The following EIF4G3 variants were observed in gnomAD, a reference collection of about 807,000 sequenced individuals.
EIF4G3 encodes eIF-4-gamma 3.
Under a neutral mutation model 186.4 loss-of-function variants are expected in EIF4G3, and 34 were observed. The ratio of observed to expected loss-of-function variants is 0.18; its 90% CI spans 0.14 to 0.24. The LOEUF (loss-of-function observed/expected upper bound fraction) is 0.24, where lower values mean the gene tolerates loss of function less well. Among genes scored for constraint, EIF4G3 ranks in the 10% least tolerant of loss-of-function variants. The pLI is 1.00. For synonymous variants in EIF4G3, 673 were observed against 679.5 expected (o/e 0.99, Z 0.15); for missense variants, 1,536 against 1,948.5 (o/e 0.79, Z 3.99).
At chr1:21,098,474 G>A (rs1170115297) in intron 2 of EIF4G3, among the ~76,000 whole-genome samples, 3 of 148,512 alleles carry the variant, frequency 2.0e-5, no homozygotes, top group Non-Finnish European at 4.4e-5. Flanking sequence ...AGGAGGTGGA[G>A]ACTGCAGTGA....
chr1:21,131,409 T>TA (rs1045311400), intron 2 of EIF4G3, among the ~76,000 whole-genome samples: 2 of 69,216 alleles, frequency 2.9e-5, no homozygotes, highest in African/African-American at 5.4e-5. Flanking sequence ...AAAAAGAGAC[T>TA]AAAAAAAAGA....
At chr1:20,869,306 ATT>A (rs954573350) in intron 20 of EIF4G3, among the ~76,000 whole-genome samples, 60 of 97,364 alleles carry the variant, frequency 6.2e-4, no homozygotes, top group Admixed American at 1.1e-3. Flanking sequence ...TTACTTTAAA[ATT>A]TTTTTTTTTT....
At position 21,040,376 on chromosome 1, in the gene EIF4G3, A is replaced by T. The variant is rs143000407; in HGVS notation, c.-67+10490T>A. ...TGTGCCCCTTCCCCCATACCTTACC[A>T]TAGGCATCTCTTCAACTGTATCCTT... is the stretch of plus-strand genomic sequence containing the variant. On this transcript the variant is annotated intron_variant, in intron 4 of 36. Transcript: ENST00000602326. Among the ~76,000 whole-genome samples the T allele has an allele frequency of 1.2e-4, 18 of 152,328 alleles. No individual in the cohort carries two copies. The East Asian group carries it at 3.3e-3, about 28-fold the overall frequency.
At chr1:21,058,697 T>C (rs893440748) in intron 3 of EIF4G3, among the ~76,000 whole-genome samples, 1 of 147,660 alleles carries the variant, frequency 6.8e-6, no homozygotes, top group Non-Finnish European at 1.5e-5. Context: ...CAGTAATTTT[T>C]CTTCTTCTTC....
intron 26 of EIF4G3, 135 bp downstream of exon 26, chr1:20,854,843 G>T: frequency 1.8e-6 from 1 of 556,444 alleles, no homozygotes. Flanking sequence ...AAAGGAAAGG[G>T]CTACCAATAA....
intron 4 of EIF4G3, among the ~76,000 whole-genome samples, chr1:21,043,039 G>A (rs993386901): frequency 6.6e-6 from 1 of 152,204 alleles, no homozygotes; most frequent in Non-Finnish European, 1.5e-5. Flanking sequence ...AATAAATGAA[G>A]TGTGATATTC....
chr1:21,102,566 T>C (rs2096547150), intron 2 of EIF4G3, among the ~76,000 whole-genome samples: 1 of 152,232 alleles, frequency 6.6e-6, no homozygotes, highest in Non-Finnish European at 1.5e-5. Flanking sequence ...AAAAATTTGA[T>C]GGTATTATTT....
chr1:21,024,898 AT>A (rs1362126570), intron 4 of EIF4G3, among the ~76,000 whole-genome samples: 2 of 118,962 alleles, frequency 1.7e-5, no homozygotes, highest in African/African-American at 6.0e-5. Flanking sequence ...AAAAAAATAA[AT>A]TTAAAAAAAA....
chr1:21,117,608 G>A (rs939297305), intron 2 of EIF4G3, among the ~76,000 whole-genome samples: 1 of 151,550 alleles, frequency 6.6e-6, no homozygotes, highest in Admixed American at 6.6e-5. Flanking sequence ...ACTGAGGGAG[G>A]TAAGAGAGAA....
intron 4 of EIF4G3, among the ~76,000 whole-genome samples, chr1:21,018,921 CTCTTT>C (rs560497183): frequency 5.9e-5 from 8 of 136,166 alleles, no homozygotes; most frequent in Non-Finnish European, 1.4e-4. Context: ...ACTAATAAAG[CTCTTT>C]TTTTTTTTTT....
rs909998198 is a variant in EIF4G3 at position 20,871,089 on chromosome 1, C to G, written c.2623-5827G>C. 2.6e-5 allele frequency among the ~76,000 whole-genome samples: 4 copies of G among 152,070 alleles called. No individual in the cohort carries two copies. In the South Asian group the frequency reaches 8.3e-4, roughly 32 times the overall value. On this transcript the variant is annotated intron_variant, in intron 20 of 36. Transcript: ENST00000602326. The stretch of plus-strand genomic sequence containing the variant: ...CTTAAAGGCCTACCCTTTAAGACTT[C>G]AAGAAAAAATTAACAAACAAAATAA...
Position 20,991,600 on chromosome 1 carries a change from T to C in EIF4G3, c.177+6001A>G, listed in dbSNP as rs114817623. ...AAAAAAAAGAAAAAATTCAGTTCTT[T>C]AGCTGCATTAGCCACATTTAAAGTG... On this transcript the variant is annotated intron_variant, in intron 7 of 36. Transcript: ENST00000602326. 1.9e-3 allele frequency among the ~76,000 whole-genome samples: 283 copies of C among 152,184 alleles called. 2 individuals are homozygous for C. The highest frequency in any genetic ancestry group is 6.5e-3 in the African/African-American group (269 of 41,516).
At chr1:20,955,763 G>A (rs2096395116) in intron 12 of EIF4G3, among the ~76,000 whole-genome samples, 1 of 152,134 alleles carries the variant, frequency 6.6e-6, no homozygotes, top group Non-Finnish European at 1.5e-5. Context: ...TATGAGGAGA[G>A]AGGGGTAAAA....
At chr1:21,148,573 G>C (rs2097493859) in intron 2 of EIF4G3, among the ~76,000 whole-genome samples, 1 of 151,894 alleles carries the variant, frequency 6.6e-6, no homozygotes, top group South Asian at 2.1e-4. Context: ...GTGGTGGCAG[G>C]TGCCTGTAGT....
intron 12 of EIF4G3, among the ~76,000 whole-genome samples, chr1:20,957,080 A>G (rs2096448927): frequency 6.6e-6 from 1 of 152,212 alleles, no homozygotes; most frequent in Non-Finnish European, 1.5e-5. Flanking sequence ...TGACCTGACA[A>G]GACAATACAC....
intron 20 of EIF4G3, among the ~76,000 whole-genome samples, chr1:20,869,306 A>ATTTTTTTT (rs954573350): frequency 1.0e-5 from 1 of 97,396 alleles, no homozygotes. Context: ...TTACTTTAAA[A>ATTTTTTTT]TTTTTTTTTT....
chr1:20,962,109 C>T (rs1436518767), intron 12 of EIF4G3, among the ~76,000 whole-genome samples: 2 of 152,050 alleles, frequency 1.3e-5, no homozygotes, highest in African/African-American at 4.8e-5. Context: ...GCTATAGACC[C>T]AATTCTAGGA....
At chr1:20,939,184 G>A (rs912423103) in intron 14 of EIF4G3, among the ~76,000 whole-genome samples, 2 of 145,946 alleles carry the variant, frequency 1.4e-5, no homozygotes, top group African/African-American at 5.0e-5. Flanking sequence ...GGATTTTGAA[G>A]ACTATTAAGA....
intron 14 of EIF4G3, among the ~76,000 whole-genome samples, chr1:20,923,692 TG>T (rs2094649288): frequency 6.6e-6 from 1 of 151,944 alleles, no homozygotes; most frequent in African/African-American, 2.4e-5. Flanking sequence ...ATTACCAGAC[TG>T]CAAAGCACAG....
Sources: gnomAD v4.1 joint callset for allele counts (sites outside exome capture counted in the v4.1 genomes callset) on GRCh38, gnomAD v4.1.1 for gene constraint, MANE v1.5 for transcripts, NCBI Gene and HGNC (gene_info 2026-07-23, HGNC 2026-07-21) for gene names.